The following STXBP5L variants were observed in gnomAD, a reference collection of about 807,000 sequenced individuals.
The protein encoded by STXBP5L is syntaxin-binding protein 5-like.
STXBP5L carries 65 observed loss-of-function variants against 144.5 expected under a neutral mutation model. The observed-to-expected ratio is 0.45, with a 90% confidence interval of 0.37 to 0.55. STXBP5L has a LOEUF of 0.55. Ranked by LOEUF, STXBP5L falls within the 20% of genes least tolerant of loss-of-function variation. The probability of loss-of-function intolerance (pLI) is 0.00; values close to 1 mark genes in which losing one functional copy is unlikely to be tolerated. For missense variants in STXBP5L, 1,298 were observed against 1,405.5 expected (o/e 0.92, Z 1.22); for synonymous variants, 505 against 469.6 (o/e 1.08, Z -0.97).
chr3:121,100,348 C>T (rs2043353046), intron 5 of STXBP5L, among the ~76,000 whole-genome samples: 1 of 152,076 alleles, frequency 6.6e-6, no homozygotes, highest in Admixed American at 6.6e-5. Context: ...ACATCCTGGT[C>T]CATAAAACAA....
chr3:120,926,228 A>G (rs1709617856), intron 2 of STXBP5L, among the ~76,000 whole-genome samples: 1 of 151,798 alleles, frequency 6.6e-6, no homozygotes, highest in African/African-American at 2.4e-5. Flanking sequence ...AACTCCCTTT[A>G]GCATTTCTTG....
At position 121,424,579 on chromosome 3, in the gene STXBP5L, A is replaced by G. The variant is rs2047420725; in HGVS notation, c.*5482A>G. 6.6e-6 allele frequency: 1 copy of G among 152,214 alleles called. No homozygotes were observed. The highest frequency in any genetic ancestry group is 1.5e-5 in the Non-Finnish European group (1 of 68,026). 9.4% of individuals were successfully genotyped at this position (152,214 alleles called of 1,614,324 possible). On this transcript the variant is annotated 3_prime_UTR_variant, in exon 27 of 27. Transcript: ENST00000471454. ...TTAGTACTTAATTATGTGATGTTTT[A>G]TTCTAGGAAATAAGAAACAGATGAC...
intron 3 of STXBP5L, among the ~76,000 whole-genome samples, chr3:121,025,880 TTATA>T (rs1945891287): frequency 6.8e-6 from 1 of 146,660 alleles, no homozygotes; most frequent in African/African-American, 2.5e-5. Context: ...TTATAATTAT[TTATA>T]TATTTATAAT....
chr3:120,912,909 A>G (rs955328222), intron 2 of STXBP5L, among the ~76,000 whole-genome samples: 2 of 151,954 alleles, frequency 1.3e-5, no homozygotes, highest in Non-Finnish European at 2.9e-5. Context: ...ATATTTTCTC[A>G]TATCTCAATG....
intron 20 of STXBP5L, among the ~76,000 whole-genome samples, chr3:121,352,429 TA>T (rs2045326534): frequency 6.6e-6 from 1 of 152,164 alleles, no homozygotes; most frequent in African/African-American, 2.4e-5. Flanking sequence ...CTAGGTATTT[TA>T]TTCTCCTTGT....
intron 7 of STXBP5L, among the ~76,000 whole-genome samples, chr3:121,135,756 G>A (rs1397011140): frequency 1.3e-5 from 2 of 152,072 alleles, no homozygotes; most frequent in African/African-American, 2.4e-5. Context: ...TTCCTAACAG[G>A]CCACAGACTG....
chr3:121,169,044 TAAAG>T (rs1187762151), intron 9 of STXBP5L, among the ~76,000 whole-genome samples: 1 of 152,160 alleles, frequency 6.6e-6, no homozygotes, highest in African/African-American at 2.4e-5. Flanking sequence ...GCAATATTCT[TAAAG>T]AAAAGAATTT....
chr3:121,034,253 A>G (rs1297601292), intron 3 of STXBP5L, among the ~76,000 whole-genome samples: 1 of 152,074 alleles, frequency 6.6e-6, no homozygotes, highest in Non-Finnish European at 1.5e-5. Context: ...AATATACCTT[A>G]TACCCATTAA....
At chr3:121,098,133 A>T (rs2043224580) in intron 5 of STXBP5L, among the ~76,000 whole-genome samples, 1 of 152,186 alleles carries the variant, frequency 6.6e-6, no homozygotes, top group South Asian at 2.1e-4. Context: ...ATATTATCTA[A>T]TATCTTGATA....
chr3:121,008,985 G>A (rs1277342687), intron 3 of STXBP5L, among the ~76,000 whole-genome samples: 1 of 151,012 alleles, frequency 6.6e-6, no homozygotes, highest in Non-Finnish European at 1.5e-5. Flanking sequence ...ATATCATATT[G>A]ATGGTTTAGC....
At chr3:121,335,613 A>G (rs1163259997) in intron 20 of STXBP5L, among the ~76,000 whole-genome samples, 1 of 152,210 alleles carries the variant, frequency 6.6e-6, no homozygotes, top group Non-Finnish European at 1.5e-5. Flanking sequence ...ACATAGACCA[A>G]TTGAACAGAA....
chr3:121,290,105 G>A (rs1003682752), intron 19 of STXBP5L, among the ~76,000 whole-genome samples: 1 of 151,942 alleles, frequency 6.6e-6, no homozygotes, highest in African/African-American at 2.4e-5. Flanking sequence ...AAAGATAAAT[G>A]AACCAAAATG....
chr3:121,053,926 C>T (rs1948235896), intron 5 of STXBP5L, among the ~76,000 whole-genome samples: 2 of 152,006 alleles, frequency 1.3e-5, no homozygotes, highest in South Asian at 2.1e-4. Flanking sequence ...AAAAAGTGGG[C>T]AAAGGATATG....
intron 3 of STXBP5L, among the ~76,000 whole-genome samples, chr3:120,960,803 T>C (rs942371754): frequency 2.6e-5 from 4 of 151,986 alleles, no homozygotes; most frequent in African/African-American, 9.7e-5. Context: ...GAGATATACG[T>C]AATGTAAATG....
intron 22 of STXBP5L, among the ~76,000 whole-genome samples, chr3:121,386,992 A>G (rs2108693226): frequency 6.6e-6 from 1 of 152,272 alleles, no homozygotes; most frequent in African/African-American, 2.4e-5. Context: ...TGTCTTCCAT[A>G]ATGGTTGAAC....
intron 21 of STXBP5L, 88 bp from the exon 22 acceptor site, chr3:121,381,205 C>T (rs1278643408): frequency 3.0e-6 from 4 of 1,315,484 alleles, no homozygotes; most frequent in East Asian, 5.1e-5. Context: ...ACTTCCTCCT[C>T]ATAATTTTGA....
intron 6 of STXBP5L, among the ~76,000 whole-genome samples, chr3:121,118,610 T>A (rs915232425): frequency 1.3e-5 from 2 of 151,640 alleles, no homozygotes; most frequent in Non-Finnish European, 3.0e-5. Context: ...TGCAAGCAGA[T>A]CTCAATCAAA....
chr3:121,368,934 C>T lies in STXBP5L; in HGVS notation c.2177-9782C>T, dbSNP rs184366173. Among the ~76,000 whole-genome samples the T allele has an allele frequency of 3.8e-3, 580 of 152,138 alleles. 2 individuals carry two copies. Among genetic ancestry groups the T allele is most frequent in the African/African-American group, 0.013 (535 of 41,506 alleles). ...CTTCAGACAGAGGGTGTAGGGCTTG[C>T]GGGAATGAGGGTAAGTGCAACAACA... On this transcript the variant is annotated intron_variant, in intron 20 of 26. Coordinates refer to ENST00000471454, the MANE Select transcript of STXBP5L (RefSeq NM_001308330.2).
At chr3:121,389,594 T>C (rs1256966582) in intron 22 of STXBP5L, among the ~76,000 whole-genome samples, 1 of 152,246 alleles carries the variant, frequency 6.6e-6, no homozygotes, top group Non-Finnish European at 1.5e-5. Flanking sequence ...GTCTTTGTTC[T>C]CATTGGTTTC....
Sources: allele counts gnomAD v4.1 joint callset (sites outside exome capture counted in the v4.1 genomes callset), GRCh38; gene constraint gnomAD v4.1.1; transcripts MANE v1.5; gene names NCBI Gene and HGNC (gene_info 2026-07-23, HGNC 2026-07-21).